TBC1D22A: variants seen among roughly 807,000 people sequenced by gnomAD.
The protein encoded by TBC1D22A is TBC1 domain family member 22A, also known as putative GTPase activator.
TBC1D22A carries 38 observed loss-of-function variants against 60.2 expected under a neutral mutation model. The ratio of observed to expected loss-of-function variants is 0.63; its 90% CI spans 0.49 to 0.83. The LOEUF (loss-of-function observed/expected upper bound fraction) is 0.83, where lower values mean the gene tolerates loss of function less well. Ranked by LOEUF, TBC1D22A falls within the 40% of genes least tolerant of loss-of-function variation. The pLI is 0.00. For missense variants in TBC1D22A, 628 were observed against 701.0 expected (o/e 0.90, Z 1.18); for synonymous variants, 302 against 281.7 (o/e 1.07, Z -0.72).
chr22:47,066,320 C>T lies in TBC1D22A; in HGVS notation c.1329+29122C>T, dbSNP rs533262754. On this transcript the variant is annotated intron_variant, in intron 11 of 12. Coordinates refer to ENST00000337137, the MANE Select transcript of TBC1D22A (RefSeq NM_014346.5). The stretch of plus-strand genomic sequence containing the variant: ...TGAATCCTGAAGTGGGTGGCACCCA[C>T]GAGGGGGGTTCCTCGGAATGCTGGT... 2.6e-5 allele frequency among the ~76,000 whole-genome samples: 4 copies of T among 151,962 alleles called. No homozygotes were observed. In the East Asian group the frequency reaches 5.8e-4, roughly 22 times the overall value.
At position 47,173,758 on chromosome 22, in the gene TBC1D22A, G is replaced by A. The variant is rs2068582209; in HGVS notation, c.*132G>A. ...TGAGGTGGCCCCACCCTCCAGGGGA[G>A]CTGGTGAAGATGGGCCACAGACCTG... On this transcript the variant is annotated 3_prime_UTR_variant, in exon 13 of 13. Coordinates refer to ENST00000337137, the MANE Select transcript of TBC1D22A (RefSeq NM_014346.5). The A allele has an allele frequency of 1.4e-6, 2 of 1,405,754 alleles. No homozygotes were observed. Among genetic ancestry groups the A allele is most frequent in the East Asian group, 4.6e-5 (2 of 43,134 alleles). The allele number at this position is 1,405,754 out of a possible 1,614,324, so 87.1% of individuals were successfully genotyped here.
chr22:47,165,720 C>G (rs185844817), intron 12 of TBC1D22A, among the ~76,000 whole-genome samples: 3 of 152,114 alleles, frequency 2.0e-5, no homozygotes, highest in African/African-American at 4.8e-5. Flanking sequence ...GAGAAATGCC[C>G]GAGGGCCTCC....
intron 12 of TBC1D22A, among the ~76,000 whole-genome samples, chr22:47,155,062 C>T (rs115352188): frequency 0.031 from 4,779 of 152,266 alleles, 221 homozygotes; most frequent in African/African-American, 0.11. Context: ...CGAAGGGCTG[C>T]GCCAGGATTT....
chr22:46,899,372 G>A (rs1011689339), intron 7 of TBC1D22A, among the ~76,000 whole-genome samples: 4 of 152,014 alleles, frequency 2.6e-5, no homozygotes, highest in Non-Finnish European at 5.9e-5. Context: ...GCTTGAACTC[G>A]GGAGGTGGAG....
intron 11 of TBC1D22A, among the ~76,000 whole-genome samples, chr22:47,100,213 G>A (rs2065359248): frequency 6.6e-6 from 1 of 152,112 alleles, no homozygotes; most frequent in Non-Finnish European, 1.5e-5. Context: ...CAGGGCACAG[G>A]GGTGAGGTGT....
chr22:47,046,960 CT>C (rs753422948), intron 11 of TBC1D22A, among the ~76,000 whole-genome samples: 10 of 152,220 alleles, frequency 6.6e-5, no homozygotes, highest in Non-Finnish European at 1.5e-4. Flanking sequence ...AGTGTACTTT[CT>C]TTGGGGCATT....
At chr22:47,024,069 G>A (rs143846961) in intron 10 of TBC1D22A, among the ~76,000 whole-genome samples, 12 of 152,274 alleles carry the variant, frequency 7.9e-5, no homozygotes, top group East Asian at 1.9e-4. Context: ...CGTAGGCGTC[G>A]GCAGGGAGAG....
At position 47,152,786 on chromosome 22, in the gene TBC1D22A, G is replaced by A. The variant is rs143734349; in HGVS notation, c.1426-20712G>A. On this transcript the variant is annotated intron_variant, in intron 12 of 12. Transcript: ENST00000337137. The stretch of plus-strand genomic sequence containing the variant: ...TGAGAGAGAAAGCATCGGCCGTGGC[G>A]GCAGAGCAGAGGAGGGACGGGGTCC... 3.9e-5 allele frequency among the ~76,000 whole-genome samples: 6 copies of A among 152,218 alleles called. No individual in the cohort carries two copies. In the East Asian group the frequency reaches 7.7e-4, roughly 20 times the overall value.
At chr22:46,814,765 G>C (rs1471511115) in intron 4 of TBC1D22A, among the ~76,000 whole-genome samples, 3 of 151,394 alleles carry the variant, frequency 2.0e-5, no homozygotes, top group Non-Finnish European at 2.9e-5. Flanking sequence ...TCCTGCATCA[G>C]CTCCCGAGTA....
rs905843438 is a variant in TBC1D22A, at chr22:47,173,744, C to T, written c.*118C>T. ...GCTAAAAGGCCTTGTGAGGTGGCCC[C>T]ACCCTCCAGGGGAGCTGGTGAAGAT... On this transcript the variant is annotated 3_prime_UTR_variant, in exon 13 of 13. Transcript: ENST00000337137. 4 of 1,489,486 alleles carry T rather than the reference C, an allele frequency of 2.7e-6. No homozygotes were observed. The highest frequency in any genetic ancestry group is 3.7e-6 in the Non-Finnish European group (4 of 1,094,030). The allele number at this position is 1,489,486 out of a possible 1,614,324, so 92.3% of individuals were successfully genotyped here. A position where few individuals can be genotyped will look rare whatever the true frequency, so the allele number is the denominator to read the frequency against.
intron 12 of TBC1D22A, among the ~76,000 whole-genome samples, chr22:47,149,376 C>T (rs1263778195): frequency 2.0e-5 from 3 of 152,258 alleles, no homozygotes; most frequent in East Asian, 1.9e-4. Flanking sequence ...CTTAATGAGA[C>T]GTTTAGCAAA....
intron 4 of TBC1D22A, among the ~76,000 whole-genome samples, chr22:46,875,178 A>G (rs557200669): frequency 2.6e-5 from 4 of 152,370 alleles, no homozygotes; most frequent in South Asian, 2.1e-4. Context: ...GAATGTGTAA[A>G]CAAGTTGTGG....
intron 11 of TBC1D22A, among the ~76,000 whole-genome samples, chr22:47,101,754 G>A (rs1253406707): frequency 1.3e-5 from 2 of 152,210 alleles, no homozygotes; most frequent in Admixed American, 1.3e-4. Flanking sequence ...GGTGGATGGG[G>A]CCTCATATGC....
chr22:46,946,805 A>C (rs1306784930), intron 8 of TBC1D22A, among the ~76,000 whole-genome samples: 1 of 152,120 alleles, frequency 6.6e-6, no homozygotes, highest in African/African-American at 2.4e-5. Flanking sequence ...AGCGTGCTTG[A>C]CTGCATTAGG....
At chr22:46,796,964 C>G (rs1000799521) in intron 3 of TBC1D22A, among the ~76,000 whole-genome samples, 3 of 152,236 alleles carry the variant, frequency 2.0e-5, no homozygotes, top group Non-Finnish European at 4.4e-5. Flanking sequence ...TCGCAGCGCC[C>G]TGGTTCCTGC....
chr22:46,905,881 T>C (rs970641113), intron 7 of TBC1D22A, among the ~76,000 whole-genome samples: 1 of 152,210 alleles, frequency 6.6e-6, no homozygotes, highest in African/African-American at 2.4e-5. Context: ...TCCATTATTG[T>C]AGGTGTTGGG....
rs563702388 is a variant in TBC1D22A, at chr22:47,087,652, C to G, written c.1330-23856C>G. ...CTGAAATACATATTTGCACATATAT[C>G]TATTAAGACAAAGCAGATAAGTAAT... On this transcript the variant is annotated intron_variant, in intron 11 of 12. Coordinates refer to ENST00000337137, the MANE Select transcript of TBC1D22A (RefSeq NM_014346.5). Among the ~76,000 whole-genome samples, 7 of 152,250 alleles carry G rather than the reference C, an allele frequency of 4.6e-5. No individual in the cohort carries two copies. The East Asian group carries it at 1.2e-3, about 25-fold the overall frequency.
chr22:46,980,967 C>T (rs1179529446), intron 9 of TBC1D22A, among the ~76,000 whole-genome samples: 1 of 152,064 alleles, frequency 6.6e-6, no homozygotes, highest in Non-Finnish European at 1.5e-5. Flanking sequence ...AAACAGAATC[C>T]AGCTATATGC....
intron 7 of TBC1D22A, among the ~76,000 whole-genome samples, chr22:46,910,933 G>A (rs972792078): frequency 3.9e-5 from 6 of 152,024 alleles, no homozygotes; most frequent in Non-Finnish European, 7.4e-5. Context: ...GAAGAATGCT[G>A]TAGCTCAGTG....
Sources: gnomAD v4.1 joint callset for allele counts (sites outside exome capture counted in the v4.1 genomes callset) on GRCh38, gnomAD v4.1.1 for gene constraint, MANE v1.5 for transcripts, NCBI Gene and HGNC (gene_info 2026-07-23, HGNC 2026-07-21) for gene names.